PLCH2: variants seen among roughly 807,000 people sequenced by gnomAD.
The protein encoded by PLCH2 is 1-phosphatidylinositol 4,5-bisphosphate phosphodiesterase eta-2.
A neutral mutation model predicts 134.7 loss-of-function variants in PLCH2; 98 were observed. The observed-to-expected ratio is 0.73, with a 90% CI of 0.62 to 0.86. The LOEUF (loss-of-function observed/expected upper bound fraction) is 0.86. Among genes scored for constraint, PLCH2 ranks in the 40% least tolerant of loss-of-function variants. The probability of loss-of-function intolerance (pLI) is 0.00; values close to 1 mark genes in which losing one functional copy is unlikely to be tolerated. For synonymous variants in PLCH2, 974 were observed against 827.5 expected, an observed-to-expected ratio of 1.18 and a Z score of -3.04; for missense variants, 1,994 against 1,986.6, an observed-to-expected ratio of 1.00 and a Z score of -0.07.
chr1:2,433,677 C>T (rs1639179751), intron 2 of PLCH2, among the ~76,000 whole-genome samples: 1 of 152,148 alleles, frequency 6.6e-6, no homozygotes, highest in South Asian at 2.1e-4. Context: ...TCTTTTTTCC[C>T]TGATCATGAA....
At chr1:2,436,345 TTCCTCCCTTCCTCCC>T (rs1417618177) in intron 2 of PLCH2, among the ~76,000 whole-genome samples, 2 of 4,346 alleles carry the variant, frequency 4.6e-4, no homozygotes, top group African/African-American at 1.6e-3. Context: ...CCCTCCACCT[TTCCTCCCTTCCTCCC>T]TCCTCCCTTC....
upstream of PLCH2, among the ~76,000 whole-genome samples, chr1:2,425,138 A>C (rs4648840): frequency 2.0e-5 from 3 of 148,534 alleles, no homozygotes; most frequent in Admixed American, 2.0e-4. Context: ...ACTCCAGCCT[A>C]GGCGATAGAG....
At chr1:2,423,616 T>A (rs1358722668), upstream of PLCH2, among the ~76,000 whole-genome samples, 1 of 152,002 alleles carries the variant, frequency 6.6e-6, no homozygotes, top group African/African-American at 2.4e-5. Context: ...ACTGACTTGT[T>A]GGGGTAAGGG....
Position 2,483,898 on chromosome 1 carries a change from G to T in PLCH2, c.646-550G>T, listed in dbSNP as rs1160186144. On this transcript the variant is annotated intron_variant, in intron 4 of 21. Coordinates refer to ENST00000378486, the MANE Select transcript of PLCH2 (RefSeq NM_014638.4). The stretch of plus-strand genomic sequence containing the variant: ...GTGTGGGTGGCGCTGACTCCCGTGT[G>T]GGGGGGCGCTGACTCCCGTGTGGGG... 3.9e-5 allele frequency among the ~76,000 whole-genome samples: 2 copies of T among 50,786 alleles called. 1 individual carries two copies. Among genetic ancestry groups the T allele is most frequent in the Non-Finnish European group, 8.9e-5 (2 of 22,532 alleles). 33.3% of individuals were successfully genotyped at this position (50,786 alleles called of 152,430 possible).
intron 2 of PLCH2, among the ~76,000 whole-genome samples, chr1:2,454,020 G>A (rs942059821): frequency 6.6e-6 from 1 of 152,126 alleles, no homozygotes; most frequent in Non-Finnish European, 1.5e-5. Context: ...GCCAAGGCTG[G>A]TAGTGGGGTT....
chr1:2,475,078 G>A (rs892871706), upstream of PLCH2, among the ~76,000 whole-genome samples: 20 of 152,294 alleles, frequency 1.3e-4, no homozygotes, highest in African/African-American at 4.1e-4. Context: ...TGGGGGCCTG[G>A]GTTGGCTCTG....
intron 2 of PLCH2, among the ~76,000 whole-genome samples, chr1:2,432,551 G>A (rs1639117564): frequency 6.6e-6 from 1 of 152,202 alleles, no homozygotes; most frequent in African/African-American, 2.4e-5. Flanking sequence ...AATGACTGCT[G>A]GGCACGTGGC....
intron 2 of PLCH2, among the ~76,000 whole-genome samples, chr1:2,460,382 G>A (rs968179503): frequency 6.6e-6 from 1 of 152,254 alleles, no homozygotes; most frequent in Non-Finnish European, 1.5e-5. Context: ...ACACACAGCA[G>A]GTGGTTAGTA....
At chr1:2,482,568 C>G (rs1642032195) in intron 4 of PLCH2, among the ~76,000 whole-genome samples, 1 of 152,216 alleles carries the variant, frequency 6.6e-6, no homozygotes, top group Non-Finnish European at 1.5e-5. Flanking sequence ...GGGCACACAG[C>G]CTGTCCCTGG....
At chr1:2,461,897 C>T (rs1457473632) in intron 2 of PLCH2, among the ~76,000 whole-genome samples, 1 of 152,074 alleles carries the variant, frequency 6.6e-6, no homozygotes, top group Non-Finnish European at 1.5e-5. Flanking sequence ...TCTGGCCTTC[C>T]CTGGCCATCC....
chr1:2,483,854 T>TC (rs1558005013), intron 4 of PLCH2, among the ~76,000 whole-genome samples: 1 of 108,698 alleles, frequency 9.2e-6, no homozygotes, highest in Non-Finnish European at 1.8e-5. Context: ...GACCCCCGTG[T>TC]GGGGTGGCGC....
chr1:2,445,761 CAT>C (rs1442577467), intron 2 of PLCH2, among the ~76,000 whole-genome samples: 7 of 152,314 alleles, frequency 4.6e-5, no homozygotes, highest in African/African-American at 1.7e-4. Context: ...GTTCAGGTGA[CAT>C]AATCTGCACG....
At chr1:2,476,770 T>A in intron 1 of PLCH2, 58 bp downstream of exon 1, 1 of 1,514,600 alleles carries the variant, frequency 6.6e-7, no homozygotes. Context: ...AGGTGACTGG[T>A]GGGTGGGGGC....
chr1:2,467,963 C>G (rs72848508), intron 1 of PLCH2, among the ~76,000 whole-genome samples: 22,388 of 152,218 alleles, frequency 0.15, 2,074 homozygotes, highest in East Asian at 0.34. Context: ...GGGTCTGCTC[C>G]CTGCAAAGGG....
upstream of PLCH2, among the ~76,000 whole-genome samples, chr1:2,466,959 G>T (rs905806764): frequency 6.6e-6 from 1 of 152,138 alleles, no homozygotes; most frequent in South Asian, 2.1e-4. Context: ...CCCAACGCTG[G>T]ACGCCCCCCA....
intron 16 of PLCH2, 90 bp downstream of exon 16, chr1:2,497,699 C>A (rs1553254805): frequency 7.7e-6 from 7 of 912,606 alleles, no homozygotes; most frequent in Non-Finnish European, 8.5e-6. Context: ...GCCCCACAGG[C>A]TAGCAAGGGG....
chr1:2,495,665 G>C, intron 13 of PLCH2, 95 bp downstream of exon 13: 2 of 831,950 alleles, frequency 2.4e-6, no homozygotes, highest in Non-Finnish European at 3.7e-6. Flanking sequence ...GACCATCCCT[G>C]AGCAGGGCAG....
chr1:2,478,380 T>G, intron 1 of PLCH2, 96 bp from the exon 2 acceptor site: 5 of 1,459,942 alleles, frequency 3.4e-6, no homozygotes, highest in Non-Finnish European at 3.8e-6. Flanking sequence ...GCCGTGTTTC[T>G]CCCGTGAGGA....
At chr1:2,447,387 A>G (rs1217076630) in intron 2 of PLCH2, among the ~76,000 whole-genome samples, 1 of 152,100 alleles carries the variant, frequency 6.6e-6, no homozygotes, top group Admixed American at 6.5e-5. Flanking sequence ...GTCACTCCCA[A>G]GACGGCTAAG....
Sources: gnomAD v4.1 joint callset for allele counts (sites outside exome capture counted in the v4.1 genomes callset) on GRCh38, gnomAD v4.1.1 for gene constraint, MANE v1.5 for transcripts, NCBI Gene and HGNC (gene_info 2026-07-23, HGNC 2026-07-21) for gene names.